Variants in NFE2L3 observed in about 807,000 individuals in gnomAD.
NFE2L3 encodes the protein NFE2 like bZIP transcription factor 3, also known as nuclear factor erythroid 2-related factor 3.
In NFE2L3, 18 loss-of-function variants were observed where a neutral mutation model predicts 23.5. The observed-to-expected ratio is 0.77, with a 90% CI of 0.53 to 1.13. NFE2L3 has a LOEUF of 1.13. Among genes scored for constraint, NFE2L3 ranks in the 50% most tolerant of loss-of-function variants. The probability of loss-of-function intolerance (pLI) is 0.00; values close to 1 mark genes in which losing one functional copy is unlikely to be tolerated. For synonymous variants in NFE2L3, 424 were observed against 354.5 expected (o/e 1.20, Z -2.20); for missense variants, 1,152 against 877.2 (o/e 1.31, Z -3.96).
intron 1 of NFE2L3, among the ~76,000 whole-genome samples, chr7:26,160,405 G>A (rs1360302674): frequency 1.3e-5 from 2 of 152,182 alleles, no homozygotes; most frequent in African/African-American, 4.8e-5. Flanking sequence ...TTTTGAAATT[G>A]GGGAGAACTG....
intron 1 of NFE2L3, among the ~76,000 whole-genome samples, chr7:26,165,439 G>C (rs991338206): frequency 1.3e-5 from 2 of 152,044 alleles, no homozygotes; most frequent in African/African-American, 4.8e-5. Context: ...CTCATGATTT[G>C]GCTCTGTTTG....
chr7:26,160,714 AAGTC>A (rs1291392932), intron 1 of NFE2L3, among the ~76,000 whole-genome samples: 3 of 152,242 alleles, frequency 2.0e-5, no homozygotes, highest in Non-Finnish European at 2.9e-5. Context: ...CCTTTACTTA[AAGTC>A]AGCTGGTTGA....
chr7:26,155,190 C>G (rs1050491611), intron 1 of NFE2L3, among the ~76,000 whole-genome samples: 4 of 152,148 alleles, frequency 2.6e-5, no homozygotes, highest in African/African-American at 2.4e-5. Flanking sequence ...CACCTGTTAT[C>G]CCAGCACTTT....
rs1192645782 is a variant in NFE2L3, at chr7:26,183,971, A to G, written c.834+187A>G. ...TCTTTCCAAATAATCCCAAAGGTAT[A>G]ATCAAATTTAGACTAGTCATGGAAA... is the stretch of plus-strand genomic sequence containing the variant. On this transcript the variant is annotated intron_variant, in intron 3 of 3. Coordinates refer to ENST00000056233, the MANE Select transcript of NFE2L3 (RefSeq NM_004289.7). 3.0e-5 allele frequency: 16 copies of G among 539,358 alleles called. No individual in the cohort carries two copies. In the South Asian group the frequency reaches 3.8e-4, roughly 13 times the overall value. 33.4% of individuals were successfully genotyped at this position (539,358 alleles called of 1,614,324 possible).
chr7:26,155,102 A>G (rs952767766), intron 1 of NFE2L3, among the ~76,000 whole-genome samples: 2 of 152,102 alleles, frequency 1.3e-5, no homozygotes, highest in Non-Finnish European at 2.9e-5. Flanking sequence ...TTTTACATCA[A>G]CCTTGTGTGG....
In NFE2L3 at chr7:26,185,669, C is replaced by G. The variant is rs1425912527; in HGVS notation, c.1971C>G (p.Val657=). Residue 657 remains valine, a synonymous_variant, in exon 4 of 4, where the codon GTC becomes GTG. Coordinates refer to ENST00000056233, the MANE Select transcript of NFE2L3 (RefSeq NM_004289.7). ...TAAGAGATGACCAAGGTAGGCCAGT[C>G]AATCCCAACCACTATGCTCTCCAGT... ...SRLRDDQGRP[V]NPNHYALQCT... is the part of the protein sequence containing the mutation. 5 of 1,613,762 alleles carry G rather than the reference C, an allele frequency of 3.1e-6. No homozygotes were observed. The highest frequency in any genetic ancestry group is 1.1e-5 in the South Asian group (1 of 91,056).
chr7:26,167,970 G>A (rs77211084), intron 1 of NFE2L3, among the ~76,000 whole-genome samples: 10,212 of 152,052 alleles, frequency 0.067, 797 homozygotes, highest in East Asian at 0.36. Flanking sequence ...AACAGGTGGT[G>A]TGTGGTTACA....
intron 3 of NFE2L3, 109 bp from the exon 4 acceptor site, chr7:26,184,424 A>ATTAAATGTAGAGGAAT (rs1226825218): frequency 2.1e-6 from 2 of 970,886 alleles, no homozygotes; most frequent in African/African-American, 3.3e-5. Context: ...ATCTATCTCT[A>ATTAAATGTAGAGGAAT]TTAAATGTAG....
chr7:26,180,392 G>C (rs1389132200), intron 2 of NFE2L3, among the ~76,000 whole-genome samples: 2 of 152,038 alleles, frequency 1.3e-5, no homozygotes, highest in Non-Finnish European at 2.9e-5. Context: ...ATTCTCCCCA[G>C]CTCCTCTGAC....
chr7:26,178,587 G>A (rs769847129), intron 2 of NFE2L3, among the ~76,000 whole-genome samples: 16 of 152,188 alleles, frequency 1.1e-4, no homozygotes, highest in South Asian at 4.1e-4. Context: ...TGGCTGAACC[G>A]TTGGGCATCC....
At chr7:26,154,141 G>C (rs1784046848) in intron 1 of NFE2L3, among the ~76,000 whole-genome samples, 1 of 152,182 alleles carries the variant, frequency 6.6e-6, no homozygotes, top group Non-Finnish European at 1.5e-5. Flanking sequence ...AGTGCTCGGT[G>C]ATTCACTGTT....
At position 26,152,624 on chromosome 7, in the gene NFE2L3, G is replaced by A. The variant is rs1350815899; in HGVS notation, c.126G>A (p.Leu42=). 2.6e-6 allele frequency: 4 copies of A among 1,532,810 alleles called. No individual in the cohort carries two copies. Among genetic ancestry groups the A allele is most frequent in the Admixed American group, 3.9e-5 (2 of 50,900 alleles). 95.0% of individuals were successfully genotyped at this position (1,532,810 alleles called of 1,614,324 possible). A position where few individuals can be genotyped will look rare whatever the true frequency, so the allele number is the denominator to read the frequency against. The stretch of plus-strand genomic sequence containing the variant: ...TGCTGCTGCCGCCGCCCACCCTGCT[G>A]CAGGACGAGCTGCTGTTCCTGGGCG... ...LYLLLPPPTL[L]QDELLFLGGP... Residue 42 remains leucine (L), a synonymous_variant, in exon 1 of 4, where the codon CTG becomes CTA. Coordinates refer to ENST00000056233, the MANE Select transcript of NFE2L3 (RefSeq NM_004289.7). This position sits in a 1 kb window ranked among gnomAD's most constrained non-coding sequence, Gnocchi z 4.4.
chr7:26,172,203 G>T (rs1157552500), intron 1 of NFE2L3, among the ~76,000 whole-genome samples: 2 of 152,210 alleles, frequency 1.3e-5, no homozygotes, highest in Non-Finnish European at 2.9e-5. Flanking sequence ...GAGAAATTCT[G>T]GGCTAACCCT....
intron 3 of NFE2L3, chr7:26,184,228 G>A (rs1782416369): frequency 8.3e-6 from 3 of 363,330 alleles, no homozygotes; most frequent in South Asian, 3.8e-5. Context: ...CCGCTAGGAT[G>A]AGTTGCATCT....
rs755271030 is a variant in NFE2L3, at chr7:26,178,074, A to G, written c.702A>G (p.Ala234=). 6.2e-7 allele frequency: 1 copy of G among 1,614,156 alleles called. No individual in the cohort carries two copies. The part of the protein sequence containing the change: ...QQNDDDENKI[A]EKPDWEAEKT... ...ATGATGATGATGAAAACAAAATAGC[A>G]GAGAAACCTGACTGGGAGGCAGAAA... Residue 234 remains alanine, a synonymous_variant, in exon 2 of 4, where the codon GCA becomes GCG. Transcript: ENST00000056233.
chr7:26,180,245 G>C (rs1330663664), intron 2 of NFE2L3, among the ~76,000 whole-genome samples: 4 of 152,112 alleles, frequency 2.6e-5, no homozygotes, highest in South Asian at 2.1e-4. Context: ...ACATTCTTCA[G>C]ATGAAGGGGA....
chr7:26,152,805 G>C lies in NFE2L3; in HGVS notation c.307G>C (p.Val103Leu). 6.7e-7 allele frequency: 1 copy of C among 1,487,946 alleles called. No individual in the cohort carries two copies. The highest frequency in any genetic ancestry group is 8.9e-7 in the Non-Finnish European group (1 of 1,126,800). The allele number at this position is 1,487,946 out of a possible 1,614,324, so 92.2% of individuals were successfully genotyped here. A position where few individuals can be genotyped will look rare whatever the true frequency, so the allele number is the denominator to read the frequency against. The change falls in exon 1 of 4, where the codon GTC becomes CTC. Residue 103 changes from valine to leucine, a missense_variant. By Grantham distance (32) the Val-to-Leu change is conservative. Transcript: ENST00000056233. The surrounding 1 kb of genome is among the most constrained non-coding windows in gnomAD (Gnocchi z 4.4). The stretch of plus-strand genomic sequence containing the variant: ...GGTGCGCGCGCTCGGGGTCCCCTTC[G>C]TCCCTCGCACCAGCGTGGATGCATG... The part of the protein sequence containing the change: ...REVRALGVPF[V>L]PRTSVDAWLV...
chr7:26,177,796 T>A (rs577308406), intron 1 of NFE2L3, 147 bp from the exon 2 acceptor site: 210 of 699,238 alleles, frequency 3.0e-4, no homozygotes, highest in Admixed American at 7.1e-4. Flanking sequence ...CTGACCTTTG[T>A]TTCTGAATTA....
At chr7:26,177,820 T>C in intron 1 of NFE2L3, 123 bp from the exon 2 acceptor site, 2 of 801,038 alleles carry the variant, frequency 2.5e-6, no homozygotes, top group South Asian at 3.5e-5. Flanking sequence ...GTTTCTTTGA[T>C]ACTGAAATAT....
Sources: gnomAD v4.1 joint callset for allele counts (sites outside exome capture counted in the v4.1 genomes callset) on GRCh38, gnomAD v4.1.1 for gene constraint, Gnocchi (gnomAD v3.1) non-coding constraint, MANE v1.5 for transcripts, NCBI Gene and HGNC (gene_info 2026-07-23, HGNC 2026-07-21) for gene names.